The following RELN variants were observed in gnomAD, a reference collection of about 807,000 sequenced individuals.
RELN encodes the protein reelin.
In RELN, 108 loss-of-function variants were observed where a neutral mutation model predicts 427.6. The ratio of observed to expected loss-of-function variants is 0.25; its 90% CI spans 0.22 to 0.30. The LOEUF (loss-of-function observed/expected upper bound fraction) is 0.30. Ranked by LOEUF, RELN falls within the 10% of genes least tolerant of loss-of-function variation. The pLI, the probability that RELN is intolerant of heterozygous loss-of-function variation, is 1.00. For synonymous variants in RELN, 1,524 were observed against 1,513.4 expected (o/e 1.01, Z -0.16); for missense variants, 3,715 against 4,302.8 (o/e 0.86, Z 3.82).
rs189923141 is a variant in RELN, at chr7:103,654,688, G to T, written c.1442-483C>A. On this transcript the variant is annotated intron_variant, in intron 12 of 64. Coordinates refer to ENST00000428762, the MANE Select transcript of RELN (RefSeq NM_005045.4). ...TCTTTAATATTTTAGCATATTATTT[G>T]TACTTTAAATGCAATTTGTTTTACA... 4.2e-3 allele frequency among the ~76,000 whole-genome samples: 635 copies of T among 152,112 alleles called. 2 individuals are homozygous for T. Among genetic ancestry groups the T allele is most frequent in the Non-Finnish European group, 7.6e-3 (515 of 67,956 alleles).
At position 103,707,957 on chromosome 7, in the gene RELN, A is replaced by C. The variant is rs148440919; in HGVS notation, c.806-6951T>G. Among the ~76,000 whole-genome samples the C allele has an allele frequency of 1.1e-3, 167 of 152,368 alleles. 1 individual carries two copies. Among genetic ancestry groups the C allele is most frequent in the African/African-American group, 3.8e-3 (156 of 41,596 alleles). On this transcript the variant is annotated intron_variant, in intron 8 of 64. Transcript: ENST00000428762. ...GTTATTTAAAAATGATGGAATAAAA[A>C]GAATGACAGCTATTTCTATACAGTT...
chr7:103,647,261 G>T (rs1355799323), intron 16 of RELN, among the ~76,000 whole-genome samples: 1 of 151,696 alleles, frequency 6.6e-6, no homozygotes, highest in Non-Finnish European at 1.5e-5. Context: ...AAAATATAAA[G>T]TCAAATTATC....
At chr7:103,707,539 G>T (rs1024450765) in intron 8 of RELN, among the ~76,000 whole-genome samples, 1 of 146,978 alleles carries the variant, frequency 6.8e-6, no homozygotes, top group Non-Finnish European at 1.5e-5. Flanking sequence ...TCGCTCTGTC[G>T]CCAGGCTGGA....
In RELN at chr7:103,715,383, T is replaced by A. The variant is rs139266023; in HGVS notation, c.805+7757A>T. On this transcript the variant is annotated intron_variant, in intron 8 of 64. Coordinates refer to ENST00000428762, the MANE Select transcript of RELN (RefSeq NM_005045.4). ...AACCAGGTTCTAAAAGCAACTGTCT[T>A]CCACTTTCTGTTTTATATTTATGTT... Among the ~76,000 whole-genome samples the A allele has an allele frequency of 9.6e-4, 147 of 152,346 alleles. 1 individual carries two copies. Among genetic ancestry groups the A allele is most frequent in the African/African-American group, 3.5e-3 (144 of 41,586 alleles).
At chr7:103,929,557 G>A (rs992170724) in intron 1 of RELN, among the ~76,000 whole-genome samples, 1 of 152,080 alleles carries the variant, frequency 6.6e-6, no homozygotes, top group African/African-American at 2.4e-5. Context: ...TCTGTTTCAA[G>A]ACAACCTTAT....
chr7:103,952,273 C>G (rs1417804849), intron 1 of RELN, among the ~76,000 whole-genome samples: 4 of 152,162 alleles, frequency 2.6e-5, no homozygotes, highest in Admixed American at 2.0e-4. Context: ...TTCTTTGGGT[C>G]ACCCTTCAGT....
chr7:103,540,371 G>A lies in RELN; in HGVS notation c.6756C>T (p.Leu2252=), dbSNP rs773766190. 2 of 1,614,150 alleles carry A rather than the reference G, an allele frequency of 1.2e-6. No individual in the cohort carries two copies. The highest frequency in any genetic ancestry group is 1.1e-5 in the South Asian group (1 of 91,078). The part of the protein sequence containing the change: ...RSQPVLLQYS[L]NGGLSWSLLQ... Reference sequence around the variant, plus strand: ...GAAGACTCCACGAGAGGCCACCGTTGAGAGAATACTGTAGGAGCACGGGTT... The same window carrying A: ...GAAGACTCCACGAGAGGCCACCGTTAAGAGAATACTGTAGGAGCACGGGTT... The change falls in exon 44 of 65, where the codon CTC becomes CTT. Residue 2252 remains leucine (L), a synonymous_variant. Coordinates refer to ENST00000428762, the MANE Select transcript of RELN (RefSeq NM_005045.4).
At position 103,569,953 on chromosome 7, in the gene RELN, C is replaced by T. The variant is rs1318729760; in HGVS notation, c.4588+2231G>A. The stretch of plus-strand genomic sequence containing the variant: ...AATAGCATAATTTTGATTTTAATTC[C>T]AAATATGTAAATTGATGCTTCAGCT... On this transcript the variant is annotated intron_variant, in intron 31 of 64. Transcript: ENST00000428762. The surrounding 1 kb of genome is among the most constrained non-coding windows in gnomAD (Gnocchi z 4.0). Among the ~76,000 whole-genome samples the T allele has an allele frequency of 6.6e-6, 1 of 152,164 alleles. No homozygotes were observed. Among genetic ancestry groups the T allele is most frequent in the Non-Finnish European group, 1.5e-5 (1 of 68,042 alleles).
intron 3 of RELN, among the ~76,000 whole-genome samples, chr7:103,791,093 A>T (rs1015955383): frequency 6.6e-6 from 1 of 152,142 alleles, no homozygotes; most frequent in Admixed American, 6.6e-5. Flanking sequence ...ATAACTACTA[A>T]ACATCACTGA....
intron 4 of RELN, 41 bp downstream of exon 4, chr7:103,776,516 T>C (rs1791746590): frequency 2.5e-6 from 4 of 1,595,840 alleles, no homozygotes; most frequent in Admixed American, 1.7e-5. Context: ...CTACCATGAA[T>C]AGTTTGGACA....
intron 2 of RELN, among the ~76,000 whole-genome samples, chr7:103,853,209 T>C (rs973976223): frequency 6.6e-6 from 1 of 152,096 alleles, no homozygotes; most frequent in Non-Finnish European, 1.5e-5. Flanking sequence ...AGGCAGAGCA[T>C]GTTGGATTGA....
intron 1 of RELN, among the ~76,000 whole-genome samples, chr7:103,972,539 A>G (rs927827413): frequency 2.6e-5 from 4 of 152,154 alleles, no homozygotes; most frequent in African/African-American, 9.6e-5. Flanking sequence ...ACTGGCAGGG[A>G]TGGAATGCAG....
chr7:103,953,479 T>G lies in RELN; in HGVS notation c.226+35652A>C, dbSNP rs375918279. Among the ~76,000 whole-genome samples, 5 of 152,164 alleles carry G rather than the reference T, an allele frequency of 3.3e-5. No individual in the cohort carries two copies. Among genetic ancestry groups the G allele is most frequent in the Non-Finnish European group, 7.3e-5 (5 of 68,036 alleles). ...TAATGTGCTCTTGACAAATCACATT[T>G]TGGCAGTGCTGATATTTTTAAGGCA... On this transcript the variant is annotated intron_variant, in intron 1 of 64. Coordinates refer to ENST00000428762, the MANE Select transcript of RELN (RefSeq NM_005045.4). The surrounding 1 kb of genome is among the most constrained non-coding windows in gnomAD (Gnocchi z 4.3).
At chr7:103,736,331 T>G (rs1427849072) in intron 6 of RELN, among the ~76,000 whole-genome samples, 2 of 152,232 alleles carry the variant, frequency 1.3e-5, no homozygotes, top group East Asian at 3.8e-4. Flanking sequence ...AAGATCAAGC[T>G]TAATTTTTTT....
Position 103,640,697 on chromosome 7 carries a change from C to T in RELN, c.2003-88G>A. 1.4e-5 allele frequency: 19 copies of T among 1,343,394 alleles called. No homozygotes were observed. Among genetic ancestry groups the T allele is most frequent in the Non-Finnish European group, 1.7e-5 (16 of 953,894 alleles). 83.2% of individuals were successfully genotyped at this position (1,343,394 alleles called of 1,614,324 possible). On this transcript the variant is annotated intron_variant, in intron 16 of 64. Transcript: ENST00000428762. The surrounding 1 kb of genome is among the most constrained non-coding windows in gnomAD (Gnocchi z 4.1). ...GAAGTAATACTCATGAAATATGGCCCCTTGTGTGTATGTTGTGTGCAGGAA... is the reference window on the plus strand; with the variant it reads ...GAAGTAATACTCATGAAATATGGCCTCTTGTGTGTATGTTGTGTGCAGGAA...
intron 6 of RELN, among the ~76,000 whole-genome samples, chr7:103,730,923 T>TAATG (rs1790337525): frequency 2.0e-5 from 3 of 152,106 alleles, no homozygotes; most frequent in Non-Finnish European, 4.4e-5. Context: ...ATTCTTGTAT[T>TAATG]TAACAAATTT....
rs1443992947 is a variant in RELN at position 103,496,720 on chromosome 7, G to C, written c.8999C>G (p.Ser3000Cys). The change falls in exon 56 of 65, where the codon TCT (serine) becomes TGT (cysteine). Residue 3000 changes from serine to cysteine, a missense_variant. By Grantham distance (112) the Ser-to-Cys change is moderately radical. Around this residue, in one of 4 missense-constraint regions of RELN, gnomAD observed 1,310 missense variants for 1,643.0 expected, o/e 0.80. Coordinates refer to ENST00000428762, the MANE Select transcript of RELN (RefSeq NM_005045.4). ...LHEMDYQKYISVRHDYILLPE... is the reference protein window; with the variant it reads ...LHEMDYQKYICVRHDYILLPE... Reference sequence around the variant, plus strand: ...AAGAAGTATGTAGTCGTGTCTAACAGAAATGTATTTCTGGTAATCCATCTC... The same window carrying C: ...AAGAAGTATGTAGTCGTGTCTAACACAAATGTATTTCTGGTAATCCATCTC... The C allele has an allele frequency of 2.5e-6, 4 of 1,614,094 alleles. No individual in the cohort carries two copies. Among genetic ancestry groups the C allele is most frequent in the Non-Finnish European group, 3.4e-6 (4 of 1,179,956 alleles).
At chr7:103,756,743 T>C (rs922069612) in intron 4 of RELN, among the ~76,000 whole-genome samples, 1 of 147,490 alleles carries the variant, frequency 6.8e-6, no homozygotes, top group Non-Finnish European at 1.5e-5. Flanking sequence ...GTATTTTAAA[T>C]CACTAGTTAG....
At chr7:103,541,497 A>T (rs1008982544) in intron 43 of RELN, among the ~76,000 whole-genome samples, 4 of 152,246 alleles carry the variant, frequency 2.6e-5, no homozygotes, top group African/African-American at 9.6e-5. Flanking sequence ...GGGATTTTAC[A>T]TGGAGCATAT....
Sources: gnomAD v4.1 joint callset for allele counts (sites outside exome capture counted in the v4.1 genomes callset) on GRCh38, gnomAD v4.1.1 for gene constraint, gnomAD v4.1.1 regional missense constraint, Gnocchi (gnomAD v3.1) non-coding constraint, MANE v1.5 for transcripts, NCBI Gene and HGNC (gene_info 2026-07-23, HGNC 2026-07-21) for gene names.